Variants in SNTG1 observed in about 807,000 individuals in gnomAD.
SNTG1 encodes the protein gamma-1-syntrophin.
A neutral mutation model predicts 74.7 loss-of-function variants in SNTG1; 39 were observed. The ratio of observed to expected loss-of-function variants is 0.52; its 90% confidence interval spans 0.40 to 0.68. SNTG1 has a LOEUF of 0.68. Ranked by LOEUF, SNTG1 falls within the 30% of genes least tolerant of loss-of-function variation. SNTG1 has a pLI of 0.00. For missense variants in SNTG1, 685 were observed against 609.5 expected (o/e 1.12, Z -1.30); for synonymous variants, 254 against 217.1 (o/e 1.17, Z -1.49).
intron 2 of SNTG1, among the ~76,000 whole-genome samples, chr8:50,178,918 A>G (rs1038275163): frequency 2.2e-4 from 33 of 152,298 alleles, no homozygotes; most frequent in South Asian, 4.1e-4. Flanking sequence ...TATTGCTAAG[A>G]CCAATATCAA....
chr8:50,791,085 T>C (rs2095689439), intron 18 of SNTG1, among the ~76,000 whole-genome samples: 1 of 151,918 alleles, frequency 6.6e-6, no homozygotes, highest in South Asian at 2.1e-4. Context: ...CCTTTCACAT[T>C]AGGTGGATTT....
At chr8:50,316,428 T>C (rs887658239) in intron 2 of SNTG1, among the ~76,000 whole-genome samples, 4 of 152,336 alleles carry the variant, frequency 2.6e-5, no homozygotes, top group Non-Finnish European at 5.9e-5. Flanking sequence ...CCTTTACTAA[T>C]GTTACCATTT....
chr8:50,408,155 C>T (rs143205645), intron 4 of SNTG1, among the ~76,000 whole-genome samples: 1 of 152,268 alleles, frequency 6.6e-6, no homozygotes, highest in African/African-American at 2.4e-5. Flanking sequence ...AGGTCCCTAG[C>T]ATAATTATAA....
intron 1 of SNTG1, among the ~76,000 whole-genome samples, chr8:49,951,053 G>C (rs1296595343): frequency 6.6e-6 from 1 of 152,192 alleles, no homozygotes; most frequent in South Asian, 2.1e-4. Flanking sequence ...GGTTGGCAGA[G>C]AATTTTGAAT....
chr8:50,008,163 C>A (rs1165627421), intron 1 of SNTG1, among the ~76,000 whole-genome samples: 1 of 152,094 alleles, frequency 6.6e-6, no homozygotes, highest in Non-Finnish European at 1.5e-5. Flanking sequence ...CCACATGTTT[C>A]TATGTAGGAA....
intron 8 of SNTG1, among the ~76,000 whole-genome samples, chr8:50,499,290 TCATG>T (rs1563479933): frequency 6.6e-5 from 10 of 151,900 alleles, no homozygotes; most frequent in African/African-American, 2.4e-4. Flanking sequence ...CATAAATATT[TCATG>T]GTTTTGGTGA....
intron 9 of SNTG1, among the ~76,000 whole-genome samples, chr8:50,520,592 C>A (rs778322447): frequency 1.3e-5 from 2 of 151,924 alleles, no homozygotes; most frequent in Non-Finnish European, 2.9e-5. Context: ...GCAAATAATC[C>A]CATCAAAAAG....
At chr8:49,970,565 T>C (rs1481291393) in intron 1 of SNTG1, among the ~76,000 whole-genome samples, 1 of 152,140 alleles carries the variant, frequency 6.6e-6, no homozygotes, top group African/African-American at 2.4e-5. Context: ...AATAGGTATT[T>C]CCTCCCTTGG....
At chr8:50,544,475 T>C (rs2094371597) in intron 11 of SNTG1, among the ~76,000 whole-genome samples, 1 of 152,072 alleles carries the variant, frequency 6.6e-6, no homozygotes, top group South Asian at 2.1e-4. Context: ...TTAATATTTC[T>C]ATTAAGAGAA....
intron 8 of SNTG1, among the ~76,000 whole-genome samples, chr8:50,501,244 G>T (rs2093949576): frequency 1.3e-5 from 2 of 151,936 alleles, no homozygotes. Flanking sequence ...CCTGTTTGGT[G>T]TTCCTCTGGT....
chr8:50,112,166 A>G (rs751363457), intron 1 of SNTG1, among the ~76,000 whole-genome samples: 3 of 152,172 alleles, frequency 2.0e-5, no homozygotes, highest in Non-Finnish European at 4.4e-5. Flanking sequence ...ATTTCAGAAT[A>G]TTATTAAGAT....
intron 12 of SNTG1, among the ~76,000 whole-genome samples, chr8:50,562,297 T>C (rs944531612): frequency 1.3e-5 from 2 of 152,224 alleles, no homozygotes; most frequent in African/African-American, 2.4e-5. Context: ...GCTAATCAGC[T>C]GGCCTTAAAA....
chr8:50,438,551 G>A lies in SNTG1; in HGVS notation c.171G>A (p.Thr57=), dbSNP rs768436396. ...AAAATCCTGTCTTTCAGGAAAGAAC[G>A]GTGACCATCAGAAGACAAACAGTAG... ...SGEPFYSGER[T]VTIRRQTVGG... is the part of the protein sequence containing the mutation. The change falls in exon 5 of 19, where the codon ACG becomes ACA. Residue 57 remains threonine (T), a synonymous_variant. Coordinates refer to ENST00000642720, the MANE Select transcript of SNTG1 (RefSeq NM_018967.5). The A allele has an allele frequency of 2.2e-5, 36 of 1,612,902 alleles. No homozygotes were observed. In the South Asian group the frequency reaches 2.9e-4, roughly 13 times the overall value.
chr8:50,611,401 G>C (rs1482653624), intron 13 of SNTG1, among the ~76,000 whole-genome samples: 3 of 152,146 alleles, frequency 2.0e-5, no homozygotes, highest in Non-Finnish European at 4.4e-5. Context: ...TAAAATTATA[G>C]TTAGTGTGGG....
At chr8:50,706,869 TAAG>T (rs1197567876) in intron 16 of SNTG1, among the ~76,000 whole-genome samples, 1 of 151,940 alleles carries the variant, frequency 6.6e-6, no homozygotes, top group African/African-American at 2.4e-5. Context: ...AGAAGGAATA[TAAG>T]TTCTATCGTA....
intron 1 of SNTG1, among the ~76,000 whole-genome samples, chr8:50,100,845 G>A (rs1389053563): frequency 6.6e-6 from 1 of 152,030 alleles, no homozygotes; most frequent in Non-Finnish European, 1.5e-5. Flanking sequence ...TAAATTGTAT[G>A]TCATTGGGGT....
At chr8:49,992,776 T>C (rs1813814440) in intron 1 of SNTG1, among the ~76,000 whole-genome samples, 1 of 152,202 alleles carries the variant, frequency 6.6e-6, no homozygotes, top group African/African-American at 2.4e-5. Flanking sequence ...AGAACAATTA[T>C]GTTTTATGTA....
intron 8 of SNTG1, among the ~76,000 whole-genome samples, chr8:50,463,895 T>C (rs1463445987): frequency 6.6e-6 from 1 of 152,212 alleles, no homozygotes; most frequent in Non-Finnish European, 1.5e-5. Flanking sequence ...TGCTCTTTGG[T>C]GTAGTCACCT....
intron 1 of SNTG1, among the ~76,000 whole-genome samples, chr8:49,967,328 G>C (rs1193626391): frequency 5.3e-5 from 8 of 152,128 alleles, no homozygotes; most frequent in Non-Finnish European, 1.2e-4. Context: ...CTGTTCTCAG[G>C]ATGGTGTTTT....
Sources: allele counts gnomAD v4.1 joint callset (sites outside exome capture counted in the v4.1 genomes callset), GRCh38; gene constraint gnomAD v4.1.1; transcripts MANE v1.5; gene names NCBI Gene and HGNC (gene_info 2026-07-23, HGNC 2026-07-21).